The following POLR2F variants were observed in gnomAD, a reference collection of about 807,000 sequenced individuals.
POLR2F encodes the protein RNA polymerase II, I and III subunit F.
Under a neutral mutation model 22.7 loss-of-function variants are expected in POLR2F, and 12 were observed. That is an observed-to-expected ratio of 0.53 (90% CI 0.34 to 0.86). The LOEUF is 0.86. Among genes scored for constraint, POLR2F ranks in the 40% least tolerant of loss-of-function variants. The pLI is 0.02. For missense variants in POLR2F, 126 were observed against 171.5 expected (o/e 0.73, Z 1.48); for synonymous variants, 57 against 66.0 (o/e 0.86, Z 0.66).
At position 38,031,790 on chromosome 22, in the gene POLR2F, A is replaced by G. The variant is rs994213024; in HGVS notation, c.453-9278A>G. ...CCCTCCCCGCTTCCCTGCCCCATCA[A>G]CGGCCCCACTGTTCTCCAGTGACCC... On this transcript the variant is annotated intron_variant, in intron 5 of 5. Coordinates refer to the POLR2F transcript ENST00000407936. This position sits in a 1 kb window ranked among gnomAD's most constrained non-coding sequence, Gnocchi z 4.1. Among the ~76,000 whole-genome samples, 1 of 151,806 alleles carries G rather than the reference A, an allele frequency of 6.6e-6. No individual in the cohort carries two copies. Among genetic ancestry groups the G allele is most frequent in the Non-Finnish European group, 1.5e-5 (1 of 67,942 alleles).
At chr22:37,994,092 A>G (rs1237015709) in intron 1 of POLR2F, among the ~76,000 whole-genome samples, 1 of 152,168 alleles carries the variant, frequency 6.6e-6, no homozygotes, top group Admixed American at 6.5e-5. Context: ...AATGCCCCGC[A>G]TTTTCCAGGT....
upstream of POLR2F, chr22:37,986,006 T>C: frequency 1.7e-6 from 2 of 1,196,182 alleles, no homozygotes; most frequent in South Asian, 1.9e-5. The surrounding 1 kb of genome is among the most constrained non-coding windows in gnomAD (Gnocchi z 4.7). Context: ...CCCCCGGCGC[T>C]GCCAACCCTC....
chr22:38,039,804 C>T (rs1410653950), intron 5 of POLR2F, among the ~76,000 whole-genome samples: 2 of 152,166 alleles, frequency 1.3e-5, no homozygotes, highest in African/African-American at 4.8e-5. Flanking sequence ...TTGAGTTCAG[C>T]GAGACCCTGG....
At chr22:37,977,849 T>C in intron 4 of POLR2F, 1 of 1,600,628 alleles carries the variant, frequency 6.2e-7, no homozygotes, top group Non-Finnish European at 8.5e-7. Context: ...CACCCTCAGC[T>C]CTGTCATCAG....
intron 1 of POLR2F, among the ~76,000 whole-genome samples, chr22:38,010,602 G>GGTTTTTTTTTTT (rs1382349551): frequency 8.2e-5 from 5 of 60,898 alleles, no homozygotes; most frequent in African/African-American, 2.9e-4. Context: ...AATTCCTTGT[G>GGTTTTTTTTTTT]TTTTTTTTTT....
intron 1 of POLR2F, among the ~76,000 whole-genome samples, chr22:37,995,836 T>C (rs1409136562): frequency 1.4e-5 from 2 of 142,564 alleles, no homozygotes; most frequent in Admixed American, 1.4e-4. Flanking sequence ...TACTAAAAAT[T>C]AAAAAAAAAA....
In POLR2F at chr22:37,953,707, A is replaced by G. The variant is rs1266263738; in HGVS notation, c.-81A>G. 1.3e-6 allele frequency: 2 copies of G among 1,527,170 alleles called. No homozygotes were observed. Among genetic ancestry groups the G allele is most frequent in the African/African-American group, 1.4e-5 (1 of 74,050 alleles). The allele number at this position is 1,527,170 out of a possible 1,614,324, so 94.6% of individuals were successfully genotyped here. ...CGGCGCAGGCGCAAGATAAGCTAGG[A>G]GCCGCGCGAGTCGTAGTGTCGCTGT... On this transcript the variant is annotated 5_prime_UTR_variant, in exon 1 of 5. Coordinates refer to ENST00000442738, the MANE Select transcript of POLR2F (RefSeq NM_021974.5).
At chr22:37,955,731 G>A (rs1466674949) in intron 1 of POLR2F, among the ~76,000 whole-genome samples, 1 of 151,966 alleles carries the variant, frequency 6.6e-6, no homozygotes, top group Non-Finnish European at 1.5e-5. Flanking sequence ...CACCCAGGCT[G>A]GAGTGCAGTG....
At chr22:38,004,051 G>C (rs145365760) in intron 1 of POLR2F, among the ~76,000 whole-genome samples, 1 of 152,092 alleles carries the variant, frequency 6.6e-6, no homozygotes, top group Non-Finnish European at 1.5e-5. Context: ...GTGCAGTGGC[G>C]TGACATAGCT....
At chr22:38,030,459 C>T (rs997047400), downstream of POLR2F, among the ~76,000 whole-genome samples, 3 of 146,646 alleles carry the variant, frequency 2.0e-5, no homozygotes, top group Admixed American at 7.1e-5. Context: ...AGTTGGCTCT[C>T]GGGAGCCAGT....
At chr22:37,966,476 A>G (rs1395171077) in intron 3 of POLR2F, among the ~76,000 whole-genome samples, 1 of 152,028 alleles carries the variant, frequency 6.6e-6, no homozygotes, top group Non-Finnish European at 1.5e-5. Flanking sequence ...TTGTGTCTAT[A>G]GAGAATGGAA....
intron 1 of POLR2F, among the ~76,000 whole-genome samples, chr22:38,012,261 T>C (rs1447916621): frequency 6.6e-6 from 1 of 152,108 alleles, no homozygotes; most frequent in Non-Finnish European, 1.5e-5. Flanking sequence ...TTTGTATTTT[T>C]AGTAGAGAGA....
In POLR2F at chr22:37,986,284, G is replaced by T; in HGVS notation, c.94G>T (p.Ala32Ser). ...CAACACCCGCTGCTGCCCGCCCGCT[G>T]CCTGCCTGCCTGGCATCTCTCTCTC... The change falls in exon 1 of 3, where the codon GCC becomes TCC. Residue 32 changes from alanine (A) to serine (S), a missense_variant. Physicochemically the swap from Ala to Ser is moderately conservative, Grantham distance 99 (BLOSUM62 1). Transcript: ENST00000333418. The surrounding 1 kb of genome is among the most constrained non-coding windows in gnomAD (Gnocchi z 4.7). 6.5e-7 allele frequency: 1 copy of T among 1,537,848 alleles called. No homozygotes were observed.
chr22:37,956,936 G>A (rs1601862827), intron 2 of POLR2F, 94 bp downstream of exon 2: 1 of 971,638 alleles, frequency 1.0e-6, no homozygotes, highest in Non-Finnish European at 1.7e-6. Context: ...CCTTCTATTT[G>A]TGGTCAAGGC....
rs1039959960 is a variant in POLR2F, at chr22:38,004,211, C to G, written c.120+17899C>G. Among the ~76,000 whole-genome samples the G allele has an allele frequency of 2.6e-5, 4 of 151,976 alleles. No homozygotes were observed. In the South Asian group the frequency reaches 8.3e-4, roughly 32 times the overall value. On this transcript the variant is annotated intron_variant, in intron 1 of 2. Transcript: ENST00000333418. ...GTCTCACTATATTGCTCAGGCTGGT[C>G]TAGAACTCCTGGCCTCAAGTGACCC...
downstream of POLR2F, chr22:37,971,235 G>C: frequency 4.2e-6 from 2 of 471,194 alleles, no homozygotes; most frequent in Non-Finnish European, 8.8e-6. Flanking sequence ...TGGAGTCAGA[G>C]CTGGGTTCAG....
At chr22:38,035,121 A>G (rs1450275332) in intron 5 of POLR2F, among the ~76,000 whole-genome samples, 1 of 152,032 alleles carries the variant, frequency 6.6e-6, no homozygotes, top group Admixed American at 6.6e-5. Flanking sequence ...GCTCTCTGCC[A>G]TAGCCATCTC....
At position 37,967,985 on chromosome 22, in the gene POLR2F, A is replaced by C; in HGVS notation, c.*270A>C. On this transcript the variant is annotated 3_prime_UTR_variant, in exon 5 of 5. Transcript: ENST00000442738. ...CTCCATCTCCCTGTTCCCCAGAGCA[A>C]AGGCTGCTGCAGGGGAGACACCTCA... 9.1e-7 allele frequency: 1 copy of C among 1,100,374 alleles called. No individual in the cohort carries two copies. Among genetic ancestry groups the C allele is most frequent in the Non-Finnish European group, 1.1e-6 (1 of 902,174 alleles). The allele number at this position is 1,100,374 out of a possible 1,614,324, so 68.2% of individuals were successfully genotyped here.
downstream of POLR2F, among the ~76,000 whole-genome samples, chr22:37,969,949 C>T (rs1227714350): frequency 1.3e-5 from 2 of 152,056 alleles, no homozygotes; most frequent in Non-Finnish European, 2.9e-5. Flanking sequence ...GAAGTGTGTG[C>T]TTCATGGTGA....
Sources: allele counts gnomAD v4.1 joint callset (sites outside exome capture counted in the v4.1 genomes callset), GRCh38; gene constraint gnomAD v4.1.1; non-coding constraint Gnocchi (gnomAD v3.1); transcripts MANE v1.5; gene names NCBI Gene and HGNC (gene_info 2026-07-23, HGNC 2026-07-21).